MYO5B: variants seen among roughly 807,000 people sequenced by gnomAD.
MYO5B encodes the protein unconventional myosin-Vb.
MYO5B carries 143 observed loss-of-function variants against 229.3 expected under a neutral mutation model. The ratio of observed to expected loss-of-function variants is 0.62; its 90% CI spans 0.54 to 0.72. The LOEUF is 0.72. Among genes scored for constraint, MYO5B ranks in the 30% least tolerant of loss-of-function variants. The pLI, the probability that MYO5B is intolerant of heterozygous loss-of-function variation, is 0.00. For missense variants in MYO5B, 2,321 were observed against 2,331.0 expected, an observed-to-expected ratio of 1.00 and a Z score of 0.09; for synonymous variants, 918 against 885.2, an observed-to-expected ratio of 1.04 and a Z score of -0.66.
At chr18:50,001,184 G>A (rs1209126063) in intron 5 of MYO5B, 71 bp downstream of exon 5, 1 of 1,598,712 alleles carries the variant, frequency 6.3e-7, no homozygotes, top group Non-Finnish European at 8.6e-7. Context: ...ACCCAGGCTT[G>A]ACGCCCAGCA....
rs150748935 is a variant in MYO5B, at chr18:50,128,477, G to A, written c.27+66290C>T. Among the ~76,000 whole-genome samples the A allele has an allele frequency of 8.4e-4, 128 of 152,282 alleles. 1 individual carries two copies. Among genetic ancestry groups the A allele is most frequent in the South Asian group, 6.8e-3 (33 of 4,826 alleles). ...GAGAAGTGATCCCACATGGATAAGC[G>A]TAGAAAAGCCTGGAGCCCAGGAGGC... On this transcript the variant is annotated intron_variant, in intron 1 of 39. Coordinates refer to ENST00000285039, the MANE Select transcript of MYO5B (RefSeq NM_001080467.3).
At chr18:50,129,417 GA>G (rs1383915576) in intron 1 of MYO5B, among the ~76,000 whole-genome samples, 1 of 152,172 alleles carries the variant, frequency 6.6e-6, no homozygotes, top group Admixed American at 6.5e-5. Context: ...AAGGAAACAG[GA>G]AATGAACTCC....
At chr18:50,155,860 T>C (rs1056258274) in intron 1 of MYO5B, among the ~76,000 whole-genome samples, 9 of 152,244 alleles carry the variant, frequency 5.9e-5, no homozygotes, top group African/African-American at 2.2e-4. Context: ...GCACCGAAGA[T>C]GACTTCAACA....
chr18:50,171,053 C>T (rs1419504332), intron 1 of MYO5B, among the ~76,000 whole-genome samples: 1 of 126,424 alleles, frequency 7.9e-6, no homozygotes, highest in African/African-American at 3.0e-5. Flanking sequence ...TTTGCCAGGC[C>T]CTCAAAATCC....
chr18:49,921,084 G>A (rs376164615), intron 17 of MYO5B, among the ~76,000 whole-genome samples: 7 of 152,142 alleles, frequency 4.6e-5, no homozygotes, highest in African/African-American at 1.7e-4. Context: ...TAAATAGGGA[G>A]AGGAAGCAGG....
At chr18:49,952,358 G>T (rs1183133700) in intron 14 of MYO5B, among the ~76,000 whole-genome samples, 1 of 139,266 alleles carries the variant, frequency 7.2e-6, no homozygotes, top group East Asian at 2.1e-4. Context: ...CCCGGCCCTG[G>T]GTTTCCTCTG....
intron 1 of MYO5B, among the ~76,000 whole-genome samples, chr18:50,096,914 T>C (rs1209859845): frequency 2.0e-5 from 3 of 152,166 alleles, no homozygotes; most frequent in African/African-American, 7.2e-5. Flanking sequence ...TCCCAGCTCC[T>C]GCGGGAGACA....
chr18:49,850,667 G>A (rs1381100816), intron 31 of MYO5B: 2 of 152,196 alleles, frequency 1.3e-5, no homozygotes, highest in Non-Finnish European at 2.9e-5. Flanking sequence ...AGAGAAAATT[G>A]AGCCAGGAAT....
chr18:50,000,182 C>A (rs895750925), intron 5 of MYO5B, among the ~76,000 whole-genome samples: 2 of 152,186 alleles, frequency 1.3e-5, no homozygotes, highest in Non-Finnish European at 2.9e-5. Flanking sequence ...AAAGTCCAGG[C>A]AGGTTCTTGT....
At chr18:50,131,311 C>T (rs1353020900) in intron 1 of MYO5B, among the ~76,000 whole-genome samples, 1 of 152,140 alleles carries the variant, frequency 6.6e-6, no homozygotes, top group Non-Finnish European at 1.5e-5. Flanking sequence ...CTTTGGCTAC[C>T]AGGAAGAAAC....
At chr18:49,964,738 A>G (rs1286972338) in intron 10 of MYO5B, among the ~76,000 whole-genome samples, 1 of 152,156 alleles carries the variant, frequency 6.6e-6, no homozygotes, top group East Asian at 1.9e-4. Flanking sequence ...ATTTTGTTGG[A>G]TTTTAACTTT....
chr18:49,870,741 C>T (rs770317127), intron 27 of MYO5B, among the ~76,000 whole-genome samples: 3 of 152,052 alleles, frequency 2.0e-5, no homozygotes, highest in East Asian at 1.9e-4. Flanking sequence ...TTACACCTAT[C>T]AGAATAGCTA....
chr18:49,914,249 GCA>G (rs1330298869), intron 17 of MYO5B, among the ~76,000 whole-genome samples: 1 of 152,156 alleles, frequency 6.6e-6, no homozygotes, highest in Non-Finnish European at 1.5e-5. Flanking sequence ...GCCGGTTCCT[GCA>G]CCTGCCCTTC....
intron 36 of MYO5B, among the ~76,000 whole-genome samples, chr18:49,838,284 G>A (rs1409193686): frequency 3.3e-5 from 5 of 152,290 alleles, no homozygotes; most frequent in East Asian, 1.9e-4. Flanking sequence ...GGTATAAAGC[G>A]GTTAAATAAC....
At chr18:49,879,593 A>T (rs2024564466) in intron 23 of MYO5B, among the ~76,000 whole-genome samples, 1 of 152,228 alleles carries the variant, frequency 6.6e-6, no homozygotes, top group Non-Finnish European at 1.5e-5. Context: ...GGACATTTGA[A>T]AACAGTTCAC....
intron 18 of MYO5B, among the ~76,000 whole-genome samples, chr18:49,907,981 T>C (rs994681979): frequency 6.6e-6 from 1 of 152,162 alleles, no homozygotes; most frequent in South Asian, 2.1e-4. Flanking sequence ...TCTGCCCTGC[T>C]TGGGGAGGCT....
intron 1 of MYO5B, among the ~76,000 whole-genome samples, chr18:50,156,934 A>T (rs1169517226): frequency 6.6e-6 from 1 of 152,134 alleles, no homozygotes; most frequent in African/African-American, 2.4e-5. Flanking sequence ...TGCCAGCATC[A>T]TCTCTTACCT....
chr18:50,096,145 C>T (rs541985470), intron 1 of MYO5B, among the ~76,000 whole-genome samples: 2 of 152,274 alleles, frequency 1.3e-5, no homozygotes, highest in South Asian at 4.2e-4. Flanking sequence ...AAAGGAGGCA[C>T]ATTTAACCTT....
intron 1 of MYO5B, among the ~76,000 whole-genome samples, chr18:50,179,012 C>A (rs1486356650): frequency 6.6e-6 from 1 of 152,096 alleles, no homozygotes; most frequent in Non-Finnish European, 1.5e-5. Context: ...ACCTAGAACA[C>A]TTTTAGAAGA....
Sources: allele counts gnomAD v4.1 joint callset (sites outside exome capture counted in the v4.1 genomes callset), GRCh38; gene constraint gnomAD v4.1.1; transcripts MANE v1.5; gene names NCBI Gene and HGNC (gene_info 2026-07-23, HGNC 2026-07-21).